Variants in ATXN1 observed in about 807,000 individuals in gnomAD.
ATXN1 encodes the protein ataxin 1.
ATXN1 carries 8 observed loss-of-function variants against 56.4 expected under a neutral mutation model. That is an observed-to-expected ratio of 0.14 (90% CI 0.08 to 0.26). ATXN1 has a LOEUF of 0.26. ATXN1 is among the 10% of genes least tolerant of loss of function. The pLI, the probability that ATXN1 is intolerant of heterozygous loss-of-function variation, is 1.00. For synonymous variants in ATXN1, 514 were observed against 494.6 expected (o/e 1.04, Z -0.52); for missense variants, 987 against 1,106.5 (o/e 0.89, Z 1.53).
intron 3 of ATXN1, among the ~76,000 whole-genome samples, chr6:16,609,621 A>G (rs1763069391): frequency 6.6e-6 from 1 of 152,196 alleles, no homozygotes; most frequent in South Asian, 2.1e-4. Context: ...AAGGAGTCCA[A>G]CCTTTCCCTA....
intron 2 of ATXN1, among the ~76,000 whole-genome samples, chr6:16,682,370 T>C (rs1241883803): frequency 1.3e-5 from 2 of 151,898 alleles, no homozygotes; most frequent in Admixed American, 6.6e-5. Flanking sequence ...CTAATTTTTG[T>C]ATTTTTAGTA....
rs555780473 is a variant in ATXN1, at chr6:16,417,327, A to C, written c.-161+68645T>G. Among the ~76,000 whole-genome samples the C allele has an allele frequency of 2.1e-4, 32 of 152,290 alleles. No homozygotes were observed. The South Asian group carries it at 6.6e-3, about 32-fold the overall frequency. On this transcript the variant is annotated intron_variant, in intron 6 of 7. Transcript: ENST00000436367. ...TGGGATTACAGGCGCAAGCCACCAC[A>C]CCAAGCCCAATCAATAATAATTTCC... is the stretch of plus-strand genomic sequence containing the variant.
At chr6:16,696,301 T>C (rs891182983) in intron 2 of ATXN1, among the ~76,000 whole-genome samples, 2 of 152,134 alleles carry the variant, frequency 1.3e-5, no homozygotes, top group Admixed American at 6.6e-5. Flanking sequence ...GACAAGTAGA[T>C]AGGACAGAGG....
At chr6:16,452,271 T>C (rs1202879798) in intron 6 of ATXN1, among the ~76,000 whole-genome samples, 1 of 152,196 alleles carries the variant, frequency 6.6e-6, no homozygotes, top group East Asian at 1.9e-4. Flanking sequence ...TGGCATTCAA[T>C]AAATATTTAG....
intron 6 of ATXN1, among the ~76,000 whole-genome samples, chr6:16,479,316 T>C (rs1760389805): frequency 6.6e-6 from 1 of 152,220 alleles, no homozygotes; most frequent in Non-Finnish European, 1.5e-5. Context: ...TGACTTTTTC[T>C]GAATCATGTA....
At chr6:16,617,570 C>T (rs1373383914) in intron 3 of ATXN1, among the ~76,000 whole-genome samples, 1 of 151,852 alleles carries the variant, frequency 6.6e-6, no homozygotes, top group African/African-American at 2.4e-5. Context: ...CGAGACCATC[C>T]TGGCTAACAC....
chr6:16,328,108 T>A lies in ATXN1; in HGVS notation c.203A>T (p.Glu68Val). Residue 68 changes from glutamate (E) to valine (V), a missense_variant, in exon 7 of 8, where the codon GAG (glutamate) becomes GTG (valine). Transcript: ENST00000436367. The surrounding 1 kb of genome is among the most constrained non-coding windows in gnomAD (Gnocchi z 6.2). ...GRHGPAGTSVELGLQQGIGLH... is the reference protein window; with the variant it reads ...GRHGPAGTSVVLGLQQGIGLH... The stretch of plus-strand genomic sequence containing the variant: ...ACCTATTCCCTGTTGTAAACCAAGC[T>A]CCACCGAGGTCCCTGCCGGCCCATG... The A allele has an allele frequency of 1.9e-6, 3 of 1,594,064 alleles. No homozygotes were observed. Among genetic ancestry groups the A allele is most frequent in the Non-Finnish European group, 2.6e-6 (3 of 1,166,422 alleles).
intron 3 of ATXN1, among the ~76,000 whole-genome samples, chr6:16,638,173 G>A (rs1352355198): frequency 6.6e-6 from 1 of 152,072 alleles, no homozygotes; most frequent in Non-Finnish European, 1.5e-5. Context: ...GGCCAGCCAT[G>A]GTCACTCACG....
rs1760721030 is a variant in ATXN1 at position 16,493,900 on chromosome 6, G to C, written c.-298-7791C>G. On this transcript the variant is annotated intron_variant, in intron 5 of 7. Coordinates refer to ENST00000436367, the MANE Select transcript of ATXN1 (RefSeq NM_001128164.2). The stretch of plus-strand genomic sequence containing the variant: ...AACTCAGAACTAAAGGTAACTCTTT[G>C]TATTTCCTTTCTGAGGAATAAAGAG... Among the ~76,000 whole-genome samples the C allele has an allele frequency of 2.0e-5, 3 of 152,154 alleles. No homozygotes were observed. The South Asian group carries it at 6.2e-4, about 32-fold the overall frequency.
At chr6:16,372,934 TAAACAAACAAACAAAC>T (rs58286188) in intron 6 of ATXN1, among the ~76,000 whole-genome samples, 107 of 148,862 alleles carry the variant, frequency 7.2e-4, no homozygotes, top group East Asian at 2.0e-3. Context: ...AATAAATAAA[TAAACAAACAAACAAAC>T]AAACAAACAA....
intron 3 of ATXN1, among the ~76,000 whole-genome samples, chr6:16,629,947 T>C (rs757731808): frequency 2.6e-5 from 4 of 152,000 alleles, no homozygotes; most frequent in Admixed American, 6.5e-5. Flanking sequence ...AATTTCTTAA[T>C]GTTGCCTTCT....
At chr6:16,484,955 G>GTT in intron 6 of ATXN1, among the ~76,000 whole-genome samples, 1 of 108,108 alleles carries the variant, frequency 9.3e-6, no homozygotes, top group Non-Finnish European at 2.1e-5. Context: ...ATATGTGTGT[G>GTT]TGTGTGTGTG....
chr6:16,638,437 C>T lies in ATXN1; in HGVS notation c.-489+19339G>A, dbSNP rs185468981. ...ATCCAGCCTGGATGACAGAGCTAGA[C>T]GCTGCCTCAAAAAAAAAAAAAAAAA... On this transcript the variant is annotated intron_variant, in intron 3 of 7. Transcript: ENST00000436367. 6.9e-4 allele frequency among the ~76,000 whole-genome samples: 87 copies of T among 126,984 alleles called. No individual in the cohort carries two copies. The South Asian group carries it at 0.016, about 23-fold the overall frequency. 83.3% of individuals were successfully genotyped at this position (126,984 alleles called of 152,430 possible).
intron 4 of ATXN1, among the ~76,000 whole-genome samples, chr6:16,567,362 T>C (rs779743126): frequency 3.9e-5 from 6 of 152,208 alleles, no homozygotes; most frequent in Admixed American, 6.5e-5. Flanking sequence ...GGAAAGACCA[T>C]TAAACATGAC....
chr6:16,628,133 T>C (rs1763439679), intron 3 of ATXN1, among the ~76,000 whole-genome samples: 1 of 152,234 alleles, frequency 6.6e-6, no homozygotes, highest in Non-Finnish European at 1.5e-5. Context: ...AGATCCATAC[T>C]GGACTGTTCA....
intron 5 of ATXN1, among the ~76,000 whole-genome samples, chr6:16,503,057 AT>A (rs1417103556): frequency 1.3e-5 from 2 of 152,248 alleles, no homozygotes; most frequent in African/African-American, 4.8e-5. Flanking sequence ...GCCAACAGCA[AT>A]GATTTTCAAA....
At chr6:16,586,264 A>G (rs1386978229) in intron 3 of ATXN1, among the ~76,000 whole-genome samples, 1 of 152,234 alleles carries the variant, frequency 6.6e-6, no homozygotes, top group Non-Finnish European at 1.5e-5. Flanking sequence ...AATAACAAGC[A>G]GTCAGTTCTT....
At chr6:16,338,337 CA>C (rs1024971388) in intron 6 of ATXN1, among the ~76,000 whole-genome samples, 1 of 151,822 alleles carries the variant, frequency 6.6e-6, no homozygotes, top group Admixed American at 6.6e-5. Flanking sequence ...ACTAAAAATA[CA>C]AAAAATGAGC....
At chr6:16,390,894 C>T (rs1052627663) in intron 6 of ATXN1, among the ~76,000 whole-genome samples, 1 of 152,120 alleles carries the variant, frequency 6.6e-6, no homozygotes, top group Non-Finnish European at 1.5e-5. Context: ...GGCGTGGTGG[C>T]TCACGCCTGT....
Sources: allele counts gnomAD v4.1 joint callset (sites outside exome capture counted in the v4.1 genomes callset), GRCh38; gene constraint gnomAD v4.1.1; non-coding constraint Gnocchi (gnomAD v3.1); transcripts MANE v1.5; gene names NCBI Gene and HGNC (gene_info 2026-07-23, HGNC 2026-07-21).